PTPRD: variants seen among roughly 807,000 people sequenced by gnomAD.
The protein encoded by PTPRD is protein tyrosine phosphatase receptor type D, also known as receptor-type tyrosine-protein phosphatase delta.
PTPRD carries 34 observed loss-of-function variants against 214.5 expected under a neutral mutation model. That is an observed-to-expected ratio of 0.16 (90% CI 0.12 to 0.21). The LOEUF (loss-of-function observed/expected upper bound fraction) is 0.21. Ranked by LOEUF, PTPRD falls within the 10% of genes least tolerant of loss-of-function variation. The pLI, the probability that PTPRD is intolerant of heterozygous loss-of-function variation, is 1.00. For missense variants in PTPRD, 2,545 were observed against 2,398.7 expected (o/e 1.06, Z -1.27); for synonymous variants, 1,128 against 845.7 (o/e 1.33, Z -5.79).
chr9:8,782,166 T>G (rs2095738703), intron 11 of PTPRD, among the ~76,000 whole-genome samples: 1 of 145,078 alleles, frequency 6.9e-6, no homozygotes, highest in Non-Finnish European at 1.5e-5. Context: ...CCATAATGTT[T>G]ATGGTATAAA....
chr9:9,051,542 A>T (rs962321806), intron 10 of PTPRD, among the ~76,000 whole-genome samples: 2 of 152,202 alleles, frequency 1.3e-5, no homozygotes, highest in African/African-American at 2.4e-5. Context: ...ATTTTTTAAC[A>T]TAGAAATCCA....
At chr9:8,813,040 T>C (rs2096844480) in intron 11 of PTPRD, among the ~76,000 whole-genome samples, 2 of 152,136 alleles carry the variant, frequency 1.3e-5, no homozygotes, top group African/African-American at 4.8e-5. Flanking sequence ...AAATAGGATC[T>C]ACACTGCATA....
intron 9 of PTPRD, among the ~76,000 whole-genome samples, chr9:9,235,933 C>T (rs1307722036): frequency 2.0e-5 from 3 of 152,062 alleles, no homozygotes; most frequent in Non-Finnish European, 4.4e-5. Flanking sequence ...ACTTATTAGT[C>T]TGAGTCAATT....
intron 9 of PTPRD, among the ~76,000 whole-genome samples, chr9:9,370,930 G>T (rs201356829): frequency 1.3e-5 from 2 of 152,096 alleles, no homozygotes; most frequent in African/African-American, 2.4e-5. Flanking sequence ...ATTTGCATAT[G>T]TTGAACCAGC....
intron 7 of PTPRD, among the ~76,000 whole-genome samples, chr9:9,597,749 G>A (rs977586812): frequency 9.2e-5 from 14 of 151,860 alleles, no homozygotes; most frequent in African/African-American, 3.4e-4. Context: ...CGAAGAGACA[G>A]GTGAACAAGA....
intron 3 of PTPRD, among the ~76,000 whole-genome samples, chr9:10,326,960 G>A (rs1353920638): frequency 1.3e-5 from 2 of 151,316 alleles, no homozygotes; most frequent in Non-Finnish European, 3.0e-5. Context: ...TGAACACTTT[G>A]ATAGGAAACA....
At chr9:9,779,725 G>A (rs888801802) in intron 5 of PTPRD, among the ~76,000 whole-genome samples, 7 of 152,164 alleles carry the variant, frequency 4.6e-5, no homozygotes, top group African/African-American at 7.2e-5. Flanking sequence ...AGGCTATGGA[G>A]AAAAGGGAGC....
chr9:9,305,254 ATTTAC>A (rs1213038758), intron 9 of PTPRD, among the ~76,000 whole-genome samples: 2 of 151,850 alleles, frequency 1.3e-5, no homozygotes, highest in African/African-American at 4.8e-5. Flanking sequence ...CATTGTAGAT[ATTTAC>A]TTTTTTTGTT....
chr9:10,228,822 A>T (rs1227686345), intron 3 of PTPRD, among the ~76,000 whole-genome samples: 1 of 151,100 alleles, frequency 6.6e-6, no homozygotes, highest in African/African-American at 2.4e-5. Flanking sequence ...TTATATAGAT[A>T]TAAAAGTTTA....
chr9:9,303,465 A>T (rs753177916), intron 9 of PTPRD, among the ~76,000 whole-genome samples: 1 of 152,084 alleles, frequency 6.6e-6, no homozygotes, highest in Non-Finnish European at 1.5e-5. Context: ...AATTCTTGGG[A>T]CAAAGTTATG....
chr9:10,546,216 A>G (rs531030524), intron 2 of PTPRD, among the ~76,000 whole-genome samples: 2 of 151,962 alleles, frequency 1.3e-5, no homozygotes, highest in East Asian at 1.9e-4. Context: ...TTTTTTTTCT[A>G]TGTAACAAAA....
Position 10,586,539 on chromosome 9 carries a change from T to A in PTPRD, c.-600+25859A>T, listed in dbSNP as rs181212054. ...CCTTGTGAGACTAAATCTACCGCAGTTAGTCATGAGGGAAATAAATGACAA... is the reference window on the plus strand; with the variant it reads ...CCTTGTGAGACTAAATCTACCGCAGATAGTCATGAGGGAAATAAATGACAA... On this transcript the variant is annotated intron_variant, in intron 2 of 45. Transcript: ENST00000381196. Among the ~76,000 whole-genome samples, 37 of 152,188 alleles carry A rather than the reference T, an allele frequency of 2.4e-4. No homozygotes were observed. In the East Asian group the frequency reaches 6.4e-3, roughly 26 times the overall value.
At chr9:8,525,245 G>A (rs1239637627) in intron 17 of PTPRD, 1 of 687,128 alleles carries the variant, frequency 1.5e-6, no homozygotes, top group East Asian at 2.6e-5. Context: ...ATCAATGCTA[G>A]CATTAGAAAT....
chr9:8,723,960 A>C (rs1043138555), intron 12 of PTPRD, among the ~76,000 whole-genome samples: 3 of 152,194 alleles, frequency 2.0e-5, no homozygotes, highest in African/African-American at 7.2e-5. Context: ...CCACAGTACT[A>C]TGTTGATTTT....
At chr9:9,003,685 G>C (rs959786728) in intron 11 of PTPRD, among the ~76,000 whole-genome samples, 2 of 152,034 alleles carry the variant, frequency 1.3e-5, no homozygotes, top group East Asian at 1.9e-4. Flanking sequence ...TCATTAGCAA[G>C]CATGTTGGTT....
chr9:8,499,507 A>G (rs2097348644), intron 25 of PTPRD, 140 bp downstream of exon 25: 1 of 759,508 alleles, frequency 1.3e-6, no homozygotes. Flanking sequence ...AAAGATCAAT[A>G]TACATCAATG....
intron 7 of PTPRD, among the ~76,000 whole-genome samples, chr9:9,596,911 T>C (rs2093395214): frequency 6.6e-6 from 1 of 152,038 alleles, no homozygotes; most frequent in African/African-American, 2.4e-5. Flanking sequence ...AAATTTATTG[T>C]TGGTGAAACT....
chr9:8,759,512 C>T (rs2094262884), intron 11 of PTPRD, among the ~76,000 whole-genome samples: 1 of 152,072 alleles, frequency 6.6e-6, no homozygotes, highest in Admixed American at 6.6e-5. Context: ...AATACACTGA[C>T]TTTACATAAT....
intron 11 of PTPRD, among the ~76,000 whole-genome samples, chr9:8,996,646 C>A (rs987833380): frequency 6.6e-6 from 1 of 152,036 alleles, no homozygotes; most frequent in East Asian, 1.9e-4. Context: ...TGGTGAGGGC[C>A]TGTTCCTCTC....
Sources: gnomAD v4.1 joint callset for allele counts (sites outside exome capture counted in the v4.1 genomes callset) on GRCh38, gnomAD v4.1.1 for gene constraint, MANE v1.5 for transcripts, NCBI Gene and HGNC (gene_info 2026-07-23, HGNC 2026-07-21) for gene names.